ADGRD1: variants seen among roughly 807,000 people sequenced by gnomAD.
ADGRD1 encodes the protein G-protein coupled receptor 133.
Under a neutral mutation model 113.4 loss-of-function variants are expected in ADGRD1, and 77 were observed. That is an observed-to-expected ratio of 0.68 (90% CI 0.57 to 0.82). The LOEUF (loss-of-function observed/expected upper bound fraction) is 0.82, where lower values mean the gene tolerates loss of function less well. Ranked by LOEUF, ADGRD1 falls within the 40% of genes least tolerant of loss-of-function variation. ADGRD1 has a pLI of 0.00. For synonymous variants in ADGRD1, 474 were observed against 475.0 expected, an observed-to-expected ratio of 1.00 and a Z score of 0.03; for missense variants, 1,036 against 1,139.1, an observed-to-expected ratio of 0.91 and a Z score of 1.30.
chr12:131,092,980 C>G (rs924308078), intron 15 of ADGRD1, among the ~76,000 whole-genome samples: 2 of 151,936 alleles, frequency 1.3e-5, no homozygotes, highest in Non-Finnish European at 2.9e-5. Flanking sequence ...GTGGCTACCA[C>G]CCCTGCACTC....
At chr12:130,972,073 G>A (rs762475468) in intron 4 of ADGRD1, among the ~76,000 whole-genome samples, 25 of 152,258 alleles carry the variant, frequency 1.6e-4, no homozygotes, top group Admixed American at 1.1e-3. Flanking sequence ...GCAAGCGGTC[G>A]CAGGCTTGTG....
intron 15 of ADGRD1, among the ~76,000 whole-genome samples, chr12:131,101,377 C>CTTTCTTTT (rs1950076237): frequency 2.8e-5 from 1 of 36,146 alleles, no homozygotes. Context: ...TTCTTTCTTT[C>CTTTCTTTT]TTTTTTTTTT....
chr12:131,044,373 C>T (rs747128512), intron 13 of ADGRD1, among the ~76,000 whole-genome samples: 35 of 152,160 alleles, frequency 2.3e-4, no homozygotes, highest in Admixed American at 1.3e-4. Context: ...CCCAGGAACC[C>T]GTCCACCCAC....
In ADGRD1 at chr12:131,071,946, C is replaced by T. The variant is rs575426844; in HGVS notation, c.1474-4855C>T. On this transcript the variant is annotated intron_variant, in intron 13 of 24. Transcript: ENST00000261654. The stretch of plus-strand genomic sequence containing the variant: ...GGTCCCGGCCTGGCTTCGTGTGCCG[C>T]GCTTTCCACTGAGAGCCGCGTGACT... 6.6e-3 allele frequency among the ~76,000 whole-genome samples: 989 copies of T among 150,822 alleles called. 8 individuals carry two copies. The highest frequency in any genetic ancestry group is 0.023 in the African/African-American group (933 of 40,980).
intron 13 of ADGRD1, among the ~76,000 whole-genome samples, chr12:131,055,172 G>A (rs187448657): frequency 2.2e-4 from 33 of 152,310 alleles, no homozygotes; most frequent in African/African-American, 7.0e-4. Context: ...TGCTGAATGC[G>A]TTTCATGGGA....
intron 12 of ADGRD1, among the ~76,000 whole-genome samples, chr12:131,011,490 G>A (rs370213709): frequency 2.6e-5 from 4 of 152,194 alleles, no homozygotes; most frequent in South Asian, 2.1e-4. Flanking sequence ...ACTCACTCAC[G>A]TGTGTGCTGA....
intron 23 of ADGRD1, 170 bp from the exon 24 acceptor site, chr12:131,137,965 CCA>C (rs1951138290): frequency 1.6e-6 from 1 of 623,968 alleles, no homozygotes; most frequent in South Asian, 1.8e-5. Flanking sequence ...TGGCTCTGCC[CCA>C]CAGAGCAGCG....
At chr12:131,000,701 A>G (rs1255188907) in intron 9 of ADGRD1, among the ~76,000 whole-genome samples, 1 of 148,798 alleles carries the variant, frequency 6.7e-6, no homozygotes, top group East Asian at 2.0e-4. Context: ...AGGTTGTGCC[A>G]CTGCACTCCA....
chr12:131,075,701 C>T lies in ADGRD1; in HGVS notation c.1474-1100C>T, dbSNP rs2137161911. ...CCTGTCAGGGGCACCAGAGCTGCTG[C>T]TTCCTGGGAAAGGAGGGGCTTTTGG... is the stretch of plus-strand genomic sequence containing the variant. On this transcript the variant is annotated intron_variant, in intron 13 of 24. Coordinates refer to ENST00000261654, the MANE Select transcript of ADGRD1 (RefSeq NM_198827.5). This position sits in a 1 kb window ranked among gnomAD's most constrained non-coding sequence, Gnocchi z 5.3. 6.6e-6 allele frequency among the ~76,000 whole-genome samples: 1 copy of T among 152,286 alleles called. No individual in the cohort carries two copies. The highest frequency in any genetic ancestry group is 1.5e-5 in the Non-Finnish European group (1 of 68,018).
chr12:131,063,282 A>G (rs1246118551), intron 13 of ADGRD1, among the ~76,000 whole-genome samples: 1 of 152,208 alleles, frequency 6.6e-6, no homozygotes, highest in Non-Finnish European at 1.5e-5. Flanking sequence ...AGAGTTTTTC[A>G]CAAAGCTGAA....
intron 13 of ADGRD1, among the ~76,000 whole-genome samples, chr12:131,018,790 G>T (rs1437591945): frequency 1.3e-5 from 2 of 152,204 alleles, no homozygotes; most frequent in Admixed American, 1.3e-4. Context: ...CTTTCTCAAA[G>T]CACAGCCGTT....
At chr12:131,085,632 A>G (rs1251161362) in intron 15 of ADGRD1, among the ~76,000 whole-genome samples, 1 of 152,142 alleles carries the variant, frequency 6.6e-6, no homozygotes, top group East Asian at 1.9e-4. Context: ...CACACTGCAC[A>G]CCCACACTCA....
chr12:130,961,937 CTTAAT>C (rs1297150112), intron 2 of ADGRD1, among the ~76,000 whole-genome samples: 15 of 152,238 alleles, frequency 9.9e-5, no homozygotes, highest in African/African-American at 3.1e-4. Context: ...GGAGGCACTA[CTTAAT>C]TTAGACAGGG....
At position 131,050,536 on chromosome 12, in the gene ADGRD1, C is replaced by T. The variant is rs140388033; in HGVS notation, c.1474-26265C>T. ...TCTGCTCAGCTTCTGGGAAGGCCTC[C>T]GGGAGCTACAGTCATGGCAGAAGGT... On this transcript the variant is annotated intron_variant, in intron 13 of 24. Coordinates refer to ENST00000261654, the MANE Select transcript of ADGRD1 (RefSeq NM_198827.5). This position sits in a 1 kb window ranked among gnomAD's most constrained non-coding sequence, Gnocchi z 4.8. Among the ~76,000 whole-genome samples, 4 of 152,136 alleles carry T rather than the reference C, an allele frequency of 2.6e-5. No homozygotes were observed. Among genetic ancestry groups the T allele is most frequent in the East Asian group, 1.9e-4 (1 of 5,152 alleles).
chr12:131,036,344 C>T (rs539190541), intron 13 of ADGRD1, among the ~76,000 whole-genome samples: 1 of 148,854 alleles, frequency 6.7e-6, no homozygotes, highest in Admixed American at 6.7e-5. Flanking sequence ...CACTCACTGC[C>T]CCAGGCCTTA....
At chr12:130,997,578 A>G (rs1468849345) in intron 8 of ADGRD1, among the ~76,000 whole-genome samples, 1 of 148,650 alleles carries the variant, frequency 6.7e-6, no homozygotes, top group African/African-American at 2.5e-5. Context: ...GCGGCGGGGC[A>G]AAGGCGCTCC....
intron 13 of ADGRD1, among the ~76,000 whole-genome samples, chr12:131,049,646 C>A (rs12302452): frequency 0.27 from 41,173 of 152,096 alleles, 8,379 homozygotes; most frequent in African/African-American, 0.58. Context: ...TCCCTGGCTG[C>A]CCCACAGGAT....
intron 13 of ADGRD1, among the ~76,000 whole-genome samples, chr12:131,061,576 A>G (rs563910697): frequency 4.5e-4 from 69 of 152,222 alleles, no homozygotes; most frequent in Non-Finnish European, 9.0e-4. Context: ...TGCAAAAATA[A>G]TTACAAAGAA....
chr12:131,059,916 TC>T (rs1434134963), intron 13 of ADGRD1, among the ~76,000 whole-genome samples: 1 of 152,248 alleles, frequency 6.6e-6, no homozygotes, highest in Non-Finnish European at 1.5e-5. Context: ...TTGAGATTTT[TC>T]CGGTTCTCGG....
Sources: gnomAD v4.1 joint callset for allele counts (sites outside exome capture counted in the v4.1 genomes callset) on GRCh38, gnomAD v4.1.1 for gene constraint, Gnocchi (gnomAD v3.1) non-coding constraint, MANE v1.5 for transcripts, NCBI Gene and HGNC (gene_info 2026-07-23, HGNC 2026-07-21) for gene names.